TENT2: variants seen among roughly 807,000 people sequenced by gnomAD.
The protein encoded by TENT2 is terminal nucleotidyltransferase 2.
A neutral mutation model predicts 72.2 loss-of-function variants in TENT2; 44 were observed. The ratio of observed to expected loss-of-function variants is 0.61; its 90% confidence interval spans 0.48 to 0.78. TENT2 has a LOEUF of 0.78. Among genes scored for constraint, TENT2 ranks in the 30% least tolerant of loss-of-function variants. The pLI, the probability that TENT2 is intolerant of heterozygous loss-of-function variation, is 0.00. For synonymous variants in TENT2, 212 were observed against 192.5 expected, an observed-to-expected ratio of 1.10 and a Z score of -0.84; for missense variants, 541 against 569.6, an observed-to-expected ratio of 0.95 and a Z score of 0.51.
At chr5:79,626,346 C>T (rs1422389316) in intron 4 of TENT2, among the ~76,000 whole-genome samples, 1 of 145,702 alleles carries the variant, frequency 6.9e-6, no homozygotes. Context: ...CTCACTCTGT[C>T]GCCCAGGCTG....
chr5:79,681,885 TA>T, intron 13 of TENT2, 96 bp from the exon 14 acceptor site: 1 of 998,816 alleles, frequency 1.0e-6, no homozygotes, highest in Non-Finnish European at 1.5e-6. Context: ...TTTTGTAGGT[TA>T]AAAACTGTTA....
In TENT2 at chr5:79,685,640, T is replaced by C. The variant is rs1271027500; in HGVS notation, c.*367T>C. On this transcript the variant is annotated 3_prime_UTR_variant, in exon 15 of 15. Coordinates refer to ENST00000453514, the MANE Select transcript of TENT2 (RefSeq NM_001114394.3). ...GTGTAGAATTTTGGAAAGGGTCTAA[T>C]TCATACATGCTTAAAGTATAACCTA... The C allele has an allele frequency of 5.9e-6, 1 of 170,330 alleles. No individual in the cohort carries two copies. The highest frequency in any genetic ancestry group is 1.2e-5 in the Non-Finnish European group (1 of 80,460). 10.6% of individuals were successfully genotyped at this position (170,330 alleles called of 1,614,324 possible). A position where few individuals can be genotyped will look rare whatever the true frequency, so the allele number is the denominator to read the frequency against.
intron 4 of TENT2, among the ~76,000 whole-genome samples, chr5:79,629,522 G>A (rs1773318014): frequency 6.6e-6 from 1 of 152,156 alleles, no homozygotes. Flanking sequence ...GAGAGGGGGA[G>A]CCATTAAAAA....
At chr5:79,652,360 C>T (rs1794822076) in intron 10 of TENT2, among the ~76,000 whole-genome samples, 1 of 151,514 alleles carries the variant, frequency 6.6e-6, no homozygotes, top group Non-Finnish European at 1.5e-5. Context: ...CATCATAATA[C>T]CAATTTTATT....
chr5:79,664,088 A>C (rs1050309277), intron 11 of TENT2, among the ~76,000 whole-genome samples: 1 of 152,226 alleles, frequency 6.6e-6, no homozygotes, highest in African/African-American at 2.4e-5. Context: ...GAGATGATTT[A>C]AAGTATATGA....
At chr5:79,665,339 G>A (rs759150072) in intron 11 of TENT2, among the ~76,000 whole-genome samples, 12 of 152,066 alleles carry the variant, frequency 7.9e-5, no homozygotes, top group Non-Finnish European at 1.5e-4. Context: ...TTTAAAGAAC[G>A]GTTTTCAAAT....
chr5:79,615,709 CTT>C (rs368937590), intron 1 of TENT2, among the ~76,000 whole-genome samples: 4 of 144,980 alleles, frequency 2.8e-5, no homozygotes, highest in Admixed American at 6.9e-5. Context: ...TTTCTTTTTT[CTT>C]TTTTTTTTTT....
At chr5:79,626,072 C>CCACTTTGGCTTTTT (rs1227707402) in intron 4 of TENT2, among the ~76,000 whole-genome samples, 1 of 151,888 alleles carries the variant, frequency 6.6e-6, no homozygotes, top group South Asian at 2.1e-4. Context: ...CGTGATCTAC[C>CCACTTTGGCTTTTT]CACTTTGGCT....
intron 6 of TENT2, 86 bp from the exon 7 acceptor site, chr5:79,642,746 G>C: frequency 9.7e-7 from 1 of 1,028,346 alleles, no homozygotes; most frequent in Non-Finnish European, 1.4e-6. Flanking sequence ...TATCTTGTAT[G>C]TTTTCTTTTT....
intron 10 of TENT2, among the ~76,000 whole-genome samples, chr5:79,654,234 C>G (rs940387974): frequency 1.6e-4 from 24 of 152,072 alleles, no homozygotes; most frequent in African/African-American, 4.6e-4. Context: ...GAATTCGAGA[C>G]TAGCCTGACC....
chr5:79,680,329 A>G (rs1820706166), intron 13 of TENT2, among the ~76,000 whole-genome samples: 1 of 152,196 alleles, frequency 6.6e-6, no homozygotes, highest in Admixed American at 6.5e-5. Flanking sequence ...ATATGAAATT[A>G]AATCTCCTGC....
intron 1 of TENT2, among the ~76,000 whole-genome samples, chr5:79,617,855 AATATTTT>A (rs2149856165): frequency 6.6e-6 from 1 of 152,268 alleles, no homozygotes; most frequent in Non-Finnish European, 1.5e-5. Flanking sequence ...TCCCTCTTTG[AATATTTT>A]ATAAACTTCC....
At chr5:79,670,288 GAGA>G (rs1208198604) in intron 12 of TENT2, among the ~76,000 whole-genome samples, 1 of 151,628 alleles carries the variant, frequency 6.6e-6, no homozygotes. Context: ...TGTCATACTG[GAGA>G]AGTATAAAAA....
At chr5:79,616,080 T>C (rs1346421700) in intron 1 of TENT2, among the ~76,000 whole-genome samples, 1 of 151,902 alleles carries the variant, frequency 6.6e-6, no homozygotes, top group African/African-American at 2.4e-5. Context: ...AGAGACGGGA[T>C]TTTGCCGTGT....
At chr5:79,677,434 A>G (rs571686224) in intron 12 of TENT2, among the ~76,000 whole-genome samples, 1 of 152,346 alleles carries the variant, frequency 6.6e-6, no homozygotes, top group South Asian at 2.1e-4. Context: ...TAATAGAAAT[A>G]CAGTGGTAAA....
chr5:79,623,286 G>T lies in TENT2; in HGVS notation c.262G>T (p.Gly88Cys), dbSNP rs751289067. ...LSDEKNLPLDGKRQRFHSPHQ... is the reference protein window; with the variant it reads ...LSDEKNLPLDCKRQRFHSPHQ... ...CGATGAAAAAAACCTTCCTCTTGAC[G>T]GTAAACGGCAACGTTTCCATTCACC... The change falls in exon 4 of 15, where the codon GGT becomes TGT. Residue 88 changes from glycine (G) to cysteine (C), a missense_variant. Coordinates refer to ENST00000453514, the MANE Select transcript of TENT2 (RefSeq NM_001114394.3). 2.5e-6 allele frequency: 4 copies of T among 1,612,136 alleles called. No individual in the cohort carries two copies. In the African/African-American group the frequency reaches 5.4e-5, roughly 22 times the overall value.
Position 79,659,595 on chromosome 5 carries a change from A to AG in TENT2, c.1071+2594_1071+2595insG, listed in dbSNP as rs1278000630. Among the ~76,000 whole-genome samples, 203 of 79,208 alleles carry AG rather than the reference A, an allele frequency of 2.6e-3. 1 individual carries two copies. The highest frequency in any genetic ancestry group is 4.6e-3 in the Non-Finnish European group (162 of 35,514). 52.0% of individuals were successfully genotyped at this position (79,208 alleles called of 152,430 possible). On this transcript the variant is annotated intron_variant, in intron 11 of 14. Coordinates refer to ENST00000453514, the MANE Select transcript of TENT2 (RefSeq NM_001114394.3). ...ATATATATATATATATATATATATA[A>AG]TAGCCATCGTTTATTTAGTATCCAT...
chr5:79,662,996 G>A (rs892894975), intron 11 of TENT2, among the ~76,000 whole-genome samples: 3 of 152,172 alleles, frequency 2.0e-5, no homozygotes, highest in African/African-American at 4.8e-5. Context: ...TTAATTTAGC[G>A]AGATAACTTC....
chr5:79,645,842 CAAACACA>C (rs1248461364), intron 8 of TENT2, among the ~76,000 whole-genome samples: 3 of 99,534 alleles, frequency 3.0e-5, no homozygotes, highest in East Asian at 2.7e-4. Flanking sequence ...ATTGTGCCCA[CAAACACA>C]CACACACACA....
Sources: gnomAD v4.1 joint callset for allele counts (sites outside exome capture counted in the v4.1 genomes callset) on GRCh38, gnomAD v4.1.1 for gene constraint, MANE v1.5 for transcripts, NCBI Gene and HGNC (gene_info 2026-07-23, HGNC 2026-07-21) for gene names.